TMEM65: variants seen among roughly 807,000 people sequenced by gnomAD.
TMEM65 encodes the protein transmembrane protein 65.
A neutral mutation model predicts 25.4 loss-of-function variants in TMEM65; 22 were observed. The observed-to-expected ratio is 0.86, with a 90% CI of 0.62 to 1.23. TMEM65 has a LOEUF of 1.23. Ranked by LOEUF, TMEM65 falls within the 50% of genes most tolerant of loss-of-function variation. TMEM65 has a pLI of 0.00. For missense variants in TMEM65, 262 were observed against 308.2 expected, an observed-to-expected ratio of 0.85 and a Z score of 1.12; for synonymous variants, 132 against 126.2, an observed-to-expected ratio of 1.05 and a Z score of -0.31.
Position 124,314,040 on chromosome 8 carries a change from T to C in TMEM65, c.643A>G (p.Ile215Val). Residue 215 changes from isoleucine to valine, a missense_variant, in exon 7 of 7, where the codon ATT (isoleucine) becomes GTT (valine). Physicochemically the swap from Ile to Val is conservative, Grantham distance 29. Transcript: ENST00000297632. ...GGAAACATTCCTAGAATGCAGCCAA[T>C]AGTCACCCCAACAGCTTTGCCCTAA... ...THLGKAVGVTIGCILGMFPLI... is the reference protein window; with the variant it reads ...THLGKAVGVTVGCILGMFPLI... The C allele has an allele frequency of 1.2e-6, 2 of 1,613,578 alleles. No homozygotes were observed. Among genetic ancestry groups the C allele is most frequent in the African/African-American group, 1.3e-5 (1 of 75,012 alleles).
chr8:124,333,455 CTGTGTGTGTGTGTGCG>C (rs1393886841), intron 1 of TMEM65, among the ~76,000 whole-genome samples: 1 of 124,738 alleles, frequency 8.0e-6, no homozygotes, highest in Non-Finnish European at 1.6e-5. Flanking sequence ...TTCTTTCCAT[CTGTGTGTGTGTGTGCG>C]TGTGTGTGTG....
intron 1 of TMEM65, among the ~76,000 whole-genome samples, chr8:124,356,455 C>T (rs1046761965): frequency 1.3e-5 from 2 of 152,088 alleles, no homozygotes; most frequent in Non-Finnish European, 2.9e-5. Flanking sequence ...AAGAGATGAC[C>T]TCAGATAAAA....
At chr8:124,335,130 C>A (rs895139061) in intron 1 of TMEM65, among the ~76,000 whole-genome samples, 1 of 151,958 alleles carries the variant, frequency 6.6e-6, no homozygotes, top group Non-Finnish European at 1.5e-5. Flanking sequence ...GTGGAATAAA[C>A]ATGAAGGAAA....
chr8:124,356,078 C>A (rs1176596945), intron 1 of TMEM65, among the ~76,000 whole-genome samples: 2 of 152,170 alleles, frequency 1.3e-5, no homozygotes, highest in African/African-American at 4.8e-5. Context: ...CTACCTGGAT[C>A]CTTCTCCCAA....
At chr8:124,318,080 G>C (rs760685116) in intron 6 of TMEM65, among the ~76,000 whole-genome samples, 11 of 152,066 alleles carry the variant, frequency 7.2e-5, no homozygotes, top group Non-Finnish European at 1.0e-4. Flanking sequence ...TACCAAAAGC[G>C]AGTTGCACAA....
intron 1 of TMEM65, among the ~76,000 whole-genome samples, chr8:124,364,863 G>A (rs1586475717): frequency 1.3e-5 from 2 of 152,140 alleles, no homozygotes; most frequent in East Asian, 3.9e-4. Flanking sequence ...CAGATGACTT[G>A]GGCAAGATGC....
intron 1 of TMEM65, among the ~76,000 whole-genome samples, chr8:124,370,034 T>C (rs945968800): frequency 3.3e-5 from 5 of 152,196 alleles, no homozygotes; most frequent in African/African-American, 4.8e-5. Context: ...TCTCTCATAT[T>C]AGTAACATAA....
At chr8:124,348,547 G>A (rs1290179663) in intron 1 of TMEM65, among the ~76,000 whole-genome samples, 1 of 151,898 alleles carries the variant, frequency 6.6e-6, no homozygotes, top group Non-Finnish European at 1.5e-5. Context: ...ATAATTTTTA[G>A]TTTAAAAAAT....
rs1382040046 is a variant in TMEM65 at position 124,320,101 on chromosome 8, A to G, written c.606T>C (p.Arg202=). 1.2e-6 allele frequency: 2 copies of G among 1,612,836 alleles called. No individual in the cohort carries two copies. The highest frequency in any genetic ancestry group is 1.7e-6 in the Non-Finnish European group (2 of 1,179,170). ...TPKQVDMWQT[R]LSTHLGKAVG... ...AATTACTTACCAAATGTGTACTAAG[A>G]CGTGTTTGCCACATGTCAACTTGCT... Residue 202 remains arginine, a synonymous_variant, in exon 6 of 7, where the codon CGT becomes CGC. Transcript: ENST00000297632.
At chr8:124,366,249 G>A (rs1814937010) in intron 1 of TMEM65, among the ~76,000 whole-genome samples, 1 of 152,162 alleles carries the variant, frequency 6.6e-6, no homozygotes, top group African/African-American at 2.4e-5. Flanking sequence ...CTAATACAAA[G>A]TCTTACAGCT....
At chr8:124,357,635 C>G (rs1477895456) in intron 1 of TMEM65, among the ~76,000 whole-genome samples, 2 of 151,952 alleles carry the variant, frequency 1.3e-5, no homozygotes, top group Non-Finnish European at 1.5e-5. Context: ...ACAGGAGATA[C>G]AGGAGACTAA....
intron 1 of TMEM65, among the ~76,000 whole-genome samples, chr8:124,367,480 A>C (rs1270826212): frequency 6.6e-6 from 1 of 152,124 alleles, no homozygotes; most frequent in African/African-American, 2.4e-5. Context: ...CTCAAAAAAT[A>C]AAAAAAATTT....
intron 6 of TMEM65, 46 bp from the exon 7 acceptor site, chr8:124,314,107 T>C: frequency 6.7e-7 from 1 of 1,497,052 alleles, no homozygotes. Flanking sequence ...TTATCTCTGA[T>C]AACAAGAAGG....
In TMEM65 at chr8:124,372,180, C is replaced by A. The variant is rs772603361; in HGVS notation, c.-23G>T. ...CATGGCGAGCTGAGGAGCTGGGACCCCCGCGGCCGTCCGGCAAGGCGGTTT... is the reference window on the plus strand; with the variant it reads ...CATGGCGAGCTGAGGAGCTGGGACCACCGCGGCCGTCCGGCAAGGCGGTTT... On this transcript the variant is annotated 5_prime_UTR_variant, in exon 1 of 7. Transcript: ENST00000297632. 7.7e-7 allele frequency: 1 copy of A among 1,304,396 alleles called. No individual in the cohort carries two copies. Among genetic ancestry groups the A allele is most frequent in the Non-Finnish European group, 9.8e-7 (1 of 1,023,756 alleles). 80.8% of individuals were successfully genotyped at this position (1,304,396 alleles called of 1,614,324 possible).
rs1814143475 is a variant in TMEM65 at position 124,310,540 on chromosome 8, A to G, written c.*3420T>C. On this transcript the variant is annotated 3_prime_UTR_variant, in exon 7 of 7. Transcript: ENST00000297632. ...AACCTCTTCATGCCTCAATTTAGCT[A>G]TGAGAAAATAGAGATGATAATGATA... 1 of 152,200 alleles carries G rather than the reference A, an allele frequency of 6.6e-6. No individual in the cohort carries two copies. The highest frequency in any genetic ancestry group is 2.4e-5 in the African/African-American group (1 of 41,446). The allele number at this position is 152,200 out of a possible 1,614,324, so 9.4% of individuals were successfully genotyped here. A position where few individuals can be genotyped will look rare whatever the true frequency, so the allele number is the denominator to read the frequency against.
intron 6 of TMEM65, among the ~76,000 whole-genome samples, chr8:124,314,887 C>A (rs1037141479): frequency 2.6e-5 from 4 of 151,790 alleles, no homozygotes; most frequent in African/African-American, 9.7e-5. Flanking sequence ...GTTGCCCAGG[C>A]TGATCTTGAA....
chr8:124,349,743 T>C (rs868723586), intron 1 of TMEM65, among the ~76,000 whole-genome samples: 12 of 152,102 alleles, frequency 7.9e-5, no homozygotes, highest in African/African-American at 2.7e-4. Context: ...CATACTACTC[T>C]AAGTAGGGAT....
Position 124,323,354 on chromosome 8 carries a change from T to C in TMEM65, c.439A>G (p.Ile147Val), listed in dbSNP as rs1170833230. ...GTTGAAATTCCCAAAATAATTCCAA[T>C]AGACATTTCAATATGGGTTCCCTGA... ...IVAGTHIEMS[I>V]GIILGISTMA... The change falls in exon 4 of 7, where the codon ATT becomes GTT. Residue 147 changes from isoleucine to valine, a missense_variant. Ile to Val is a conservative substitution (Grantham distance 29, BLOSUM62 3). Coordinates refer to ENST00000297632, the MANE Select transcript of TMEM65 (RefSeq NM_194291.3). 2 of 1,508,054 alleles carry C rather than the reference T, an allele frequency of 1.3e-6. No individual in the cohort carries two copies. Among genetic ancestry groups the C allele is most frequent in the Non-Finnish European group, 1.8e-6 (2 of 1,105,142 alleles). The allele number at this position is 1,508,054 out of a possible 1,614,324, so 93.4% of individuals were successfully genotyped here.
At position 124,372,364 on chromosome 8, in the gene TMEM65, G is replaced by A; in HGVS notation, c.-207C>T. ...CTTCCTTTCCAAAAGGCCCGCGGCG[G>A]CTCCCGCCCCTCCGATGGGAAAAAC... On this transcript the variant is annotated 5_prime_UTR_variant, in exon 1 of 7. Transcript: ENST00000297632. 3.8e-6 allele frequency: 1 copy of A among 259,932 alleles called. No homozygotes were observed. The highest frequency in any genetic ancestry group is 6.4e-6 in the Non-Finnish European group (1 of 156,674). 16.1% of individuals were successfully genotyped at this position (259,932 alleles called of 1,614,324 possible). A position where few individuals can be genotyped will look rare whatever the true frequency, so the allele number is the denominator to read the frequency against.
Sources: allele counts gnomAD v4.1 joint callset (sites outside exome capture counted in the v4.1 genomes callset), GRCh38; gene constraint gnomAD v4.1.1; transcripts MANE v1.5; gene names NCBI Gene and HGNC (gene_info 2026-07-23, HGNC 2026-07-21).